CAMK1D: variants seen among roughly 807,000 people sequenced by gnomAD.
CAMK1D encodes the protein calcium/calmodulin dependent protein kinase ID, also known as calcium/calmodulin-dependent protein kinase type 1D.
In CAMK1D, 9 loss-of-function variants were observed where a neutral mutation model predicts 47.7. The ratio of observed to expected loss-of-function variants is 0.19; its 90% CI spans 0.11 to 0.33. The LOEUF (loss-of-function observed/expected upper bound fraction) is 0.33. CAMK1D is among the 10% of genes least tolerant of loss of function. CAMK1D has a pLI of 1.00. For missense variants in CAMK1D, 291 were observed against 488.7 expected (o/e 0.60, Z 3.81); for synonymous variants, 184 against 184.9 (o/e 0.99, Z 0.04).
At chr10:12,438,148 G>A (rs1346340540) in intron 1 of CAMK1D, among the ~76,000 whole-genome samples, 1 of 152,194 alleles carries the variant, frequency 6.6e-6, no homozygotes, top group Non-Finnish European at 1.5e-5. Context: ...CCTTGTGAGG[G>A]GCCTTTTGAA....
intron 4 of CAMK1D, among the ~76,000 whole-genome samples, chr10:12,768,782 G>A (rs114666386): frequency 1.7e-3 from 252 of 151,662 alleles, no homozygotes; most frequent in African/African-American, 5.8e-3. Context: ...CAAGGCTGTA[G>A]CTTCTCAGCC....
At chr10:12,759,574 C>T (rs1269488793) in intron 3 of CAMK1D, among the ~76,000 whole-genome samples, 1 of 152,160 alleles carries the variant, frequency 6.6e-6, no homozygotes, top group African/African-American at 2.4e-5. Flanking sequence ...ACAACACGGT[C>T]ATCAAAATGT....
chr10:12,399,670 C>T (rs1346473759), intron 1 of CAMK1D, among the ~76,000 whole-genome samples: 2 of 152,122 alleles, frequency 1.3e-5, no homozygotes, highest in Non-Finnish European at 1.5e-5. Flanking sequence ...ATAGTGCTTC[C>T]ACAGTTTTTG....
intron 6 of CAMK1D, among the ~76,000 whole-genome samples, chr10:12,807,519 C>T (rs1038791706): frequency 6.6e-6 from 1 of 152,176 alleles, no homozygotes; most frequent in African/African-American, 2.4e-5. Flanking sequence ...GTTGGCTCAG[C>T]TGCCCTCTCT....
intron 2 of CAMK1D, among the ~76,000 whole-genome samples, chr10:12,593,578 G>A (rs897460209): frequency 1.2e-4 from 18 of 152,126 alleles, no homozygotes; most frequent in Admixed American, 1.0e-3. Flanking sequence ...CAACAAGAGC[G>A]AAACTCCGTC....
intron 3 of CAMK1D, among the ~76,000 whole-genome samples, chr10:12,706,584 G>A (rs979828749): frequency 3.9e-5 from 6 of 152,066 alleles, no homozygotes; most frequent in Admixed American, 3.3e-4. Flanking sequence ...AGCATGGTGG[G>A]TACACCTGTA....
At chr10:12,407,473 C>T (rs1168756411) in intron 1 of CAMK1D, among the ~76,000 whole-genome samples, 1 of 152,210 alleles carries the variant, frequency 6.6e-6, no homozygotes, top group East Asian at 1.9e-4. Context: ...TCCCTGTCTG[C>T]TCTGCTGAGC....
intron 1 of CAMK1D, among the ~76,000 whole-genome samples, chr10:12,463,198 C>T (rs550844165): frequency 1.3e-5 from 2 of 149,206 alleles, no homozygotes; most frequent in Admixed American, 6.7e-5. Context: ...AGAGCAATGG[C>T]GTGATCTTGG....
chr10:12,428,133 A>T lies in CAMK1D; in HGVS notation c.92+78223A>T, dbSNP rs561223279. ...TGCTGCACCCATCAATCAACCCGTCATCTGCATTAGGTATATCTCCTAATG... is the reference window on the plus strand; with the variant it reads ...TGCTGCACCCATCAATCAACCCGTCTTCTGCATTAGGTATATCTCCTAATG... On this transcript the variant is annotated intron_variant, in intron 1 of 10. Coordinates refer to ENST00000619168, the MANE Select transcript of CAMK1D (RefSeq NM_153498.4). 3.0e-4 allele frequency among the ~76,000 whole-genome samples: 45 copies of T among 152,270 alleles called. No individual in the cohort carries two copies. In the Middle Eastern group the frequency reaches 0.01, roughly 35 times the overall value.
At chr10:12,509,847 C>T (rs910312940) in intron 1 of CAMK1D, among the ~76,000 whole-genome samples, 5 of 152,204 alleles carry the variant, frequency 3.3e-5, no homozygotes, top group Non-Finnish European at 5.9e-5. Flanking sequence ...TCTCAGTTCA[C>T]CCAGGACATC....
At chr10:12,745,823 C>G (rs560437544) in intron 3 of CAMK1D, among the ~76,000 whole-genome samples, 7 of 152,048 alleles carry the variant, frequency 4.6e-5, no homozygotes, top group Non-Finnish European at 1.0e-4. Flanking sequence ...AGGCTGGTCT[C>G]GAACCGCTGA....
At chr10:12,441,528 TAAAAAA>T (rs111767948) in intron 1 of CAMK1D, among the ~76,000 whole-genome samples, 1 of 146,742 alleles carries the variant, frequency 6.8e-6, no homozygotes, top group Non-Finnish European at 1.5e-5. Flanking sequence ...TTCCTTTTGT[TAAAAAA>T]AAAAAAAAGT....
At chr10:12,811,231 G>T (rs1294059032) in intron 6 of CAMK1D, among the ~76,000 whole-genome samples, 2 of 152,206 alleles carry the variant, frequency 1.3e-5, no homozygotes, top group Non-Finnish European at 2.9e-5. Flanking sequence ...ATATGTAAAA[G>T]AAGCCACACT....
chr10:12,584,020 T>C (rs1443104161), intron 2 of CAMK1D, among the ~76,000 whole-genome samples: 1 of 152,190 alleles, frequency 6.6e-6, no homozygotes, highest in Non-Finnish European at 1.5e-5. Flanking sequence ...GTGTCTTCAG[T>C]GTAAACAGTT....
chr10:12,551,097 G>A (rs891013730), intron 1 of CAMK1D, among the ~76,000 whole-genome samples: 4 of 152,200 alleles, frequency 2.6e-5, no homozygotes, highest in Non-Finnish European at 4.4e-5. Context: ...TACCGGTAGG[G>A]TATGTGGCCT....
At chr10:12,571,247 C>G (rs1390235436) in intron 2 of CAMK1D, among the ~76,000 whole-genome samples, 1 of 151,040 alleles carries the variant, frequency 6.6e-6, no homozygotes, top group Non-Finnish European at 1.5e-5. Context: ...GAATTTGAGA[C>G]CAGCCTGGCC....
intron 2 of CAMK1D, among the ~76,000 whole-genome samples, chr10:12,610,871 TC>T (rs1291214867): frequency 2.0e-5 from 3 of 152,208 alleles, no homozygotes. Context: ...TGCATTGACT[TC>T]CTGGCTAATA....
At chr10:12,551,677 G>T (rs568067693) in intron 1 of CAMK1D, among the ~76,000 whole-genome samples, 72 of 152,210 alleles carry the variant, frequency 4.7e-4, no homozygotes, top group African/African-American at 1.7e-3. Context: ...GGCAGAGGTT[G>T]CAGTGAGCCG....
intron 1 of CAMK1D, among the ~76,000 whole-genome samples, chr10:12,515,609 C>CAGAGTGTGATA (rs1835183859): frequency 1.5e-5 from 1 of 66,004 alleles, no homozygotes; most frequent in African/African-American, 6.0e-5. Flanking sequence ...TGATATTCCC[C>CAGAGTGTGATA]TTCCTCTTTT....
Sources: allele counts gnomAD v4.1 joint callset (sites outside exome capture counted in the v4.1 genomes callset), GRCh38; gene constraint gnomAD v4.1.1; transcripts MANE v1.5; gene names NCBI Gene and HGNC (gene_info 2026-07-23, HGNC 2026-07-21).